The following NINL variants were observed in gnomAD, a reference collection of about 807,000 sequenced individuals.
NINL encodes ninein-like protein.
Under a neutral mutation model 160.3 loss-of-function variants are expected in NINL, and 153 were observed. That is an observed-to-expected ratio of 0.95 (90% CI 0.84 to 1.09). The LOEUF (loss-of-function observed/expected upper bound fraction) is 1.09. NINL is among the 50% of genes least tolerant of loss of function. The probability of loss-of-function intolerance (pLI) is 0.00; values close to 1 mark genes in which losing one functional copy is unlikely to be tolerated. For synonymous variants in NINL, 800 were observed against 734.8 expected (o/e 1.09, Z -1.43); for missense variants, 1,829 against 1,764.0 (o/e 1.04, Z -0.66).
Position 25,500,902 on chromosome 20 carries a change from G to A in NINL, c.970C>T (p.Pro324Ser), listed in dbSNP as rs969932589. The A allele has an allele frequency of 2.5e-6, 4 of 1,614,094 alleles. No homozygotes were observed. Among genetic ancestry groups the A allele is most frequent in the South Asian group, 1.1e-5 (1 of 91,086 alleles). Residue 324 changes from proline (P) to serine (S), a missense_variant, in exon 8 of 24, where the codon CCT becomes TCT. Coordinates refer to ENST00000278886, the MANE Select transcript of NINL (RefSeq NM_025176.6). ...SIDDGSGFAF[P>S]DQVLAMWTQE... The stretch of plus-strand genomic sequence containing the variant: ...GTCCACATGGCCAGGACCTGATCAG[G>A]AAAAGCGAAGCCAGAACCATCGTCA...
intron 1 of NINL, among the ~76,000 whole-genome samples, chr20:25,546,204 T>TAAA (rs2064730048): frequency 6.6e-6 from 1 of 152,188 alleles, no homozygotes; most frequent in South Asian, 2.1e-4. Context: ...TAAGATATTT[T>TAAA]ACAGTTTGGG....
intron 21 of NINL, 26 bp downstream of exon 21, chr20:25,461,496 T>C (rs1489417574): frequency 7.1e-7 from 1 of 1,400,250 alleles, no homozygotes; most frequent in African/African-American, 1.5e-5. Flanking sequence ...CTGGACCCAG[T>C]GCCTCCAGCC....
chr20:25,547,790 G>A (rs548473332), intron 1 of NINL, among the ~76,000 whole-genome samples: 5 of 152,266 alleles, frequency 3.3e-5, no homozygotes, highest in Admixed American at 3.3e-4. Context: ...AACACAACTT[G>A]GCCCACAGCA....
chr20:25,531,005 AGCT>A (rs1378019206), intron 1 of NINL, among the ~76,000 whole-genome samples: 1 of 151,786 alleles, frequency 6.6e-6, no homozygotes, highest in African/African-American at 2.4e-5. Context: ...GGGAGACTGG[AGCT>A]TATTTCATCC....
intron 3 of NINL, among the ~76,000 whole-genome samples, chr20:25,513,580 T>A (rs1454067103): frequency 1.3e-5 from 2 of 152,154 alleles, no homozygotes; most frequent in Non-Finnish European, 2.9e-5. Context: ...ATATGGGAAG[T>A]TAATATAGTT....
Position 25,504,893 on chromosome 20 carries a change from T to C in NINL, c.703A>G (p.Lys235Glu). The change falls in exon 6 of 24, where the codon AAA (lysine) becomes GAA (glutamate). Residue 235 changes from lysine (K) to glutamate (E), a missense_variant. Transcript: ENST00000278886. ...TGGCCTGCTGTGCCCCTCACCTCTTTCTCGAGTCCCTGGAGCCCGACGCTC... is the reference window on the plus strand; with the variant it reads ...TGGCCTGCTGTGCCCCTCACCTCTTCCTCGAGTCCCTGGAGCCCGACGCTC... ...CQSVGLQGLE[K>E]EELEDLFNKL... The C allele has an allele frequency of 6.2e-7, 1 of 1,610,766 alleles. No individual in the cohort carries two copies. Among genetic ancestry groups the C allele is most frequent in the Non-Finnish European group, 8.5e-7 (1 of 1,179,858 alleles).
At chr20:25,579,574 G>A (rs1022145912) in intron 1 of NINL, among the ~76,000 whole-genome samples, 5 of 151,956 alleles carry the variant, frequency 3.3e-5, no homozygotes, top group Non-Finnish European at 5.9e-5. Context: ...ACACCCCCAC[G>A]CCACCCTGCC....
Position 25,461,595 on chromosome 20 carries a change from A to C in NINL, c.3623T>G (p.Leu1208Arg), listed in dbSNP as rs752226736. 1.3e-4 allele frequency: 204 copies of C among 1,611,468 alleles called. No individual in the cohort carries two copies. The highest frequency in any genetic ancestry group is 1.6e-4 in the Non-Finnish European group (192 of 1,179,150). The change falls in exon 21 of 24, where the codon CTG (leucine) becomes CGG (arginine). Residue 1208 changes from leucine to arginine, a missense_variant. Transcript: ENST00000278886. ...IQKLRVELEC[L>R]NQEHQSLQLP... ...CTGCAGGCTCTGATGTTCCTGATTC[A>C]GGCATTCAAGTTCAACTCTAAGTTT...
At chr20:25,465,539 C>G (rs897115621) in intron 19 of NINL, among the ~76,000 whole-genome samples, 10 of 152,106 alleles carry the variant, frequency 6.6e-5, no homozygotes, top group African/African-American at 2.4e-4. Flanking sequence ...CAGGTCCAGC[C>G]CCATGAGGAG....
rs752237249 is a variant in NINL, at chr20:25,496,814, A to G, written c.1170-11T>C. 1.2e-6 allele frequency: 2 copies of G among 1,613,080 alleles called. No individual in the cohort carries two copies. The highest frequency in any genetic ancestry group is 2.7e-5 in the African/African-American group (2 of 74,880). ...TGCTCCACCTGCCCTCTGCCACAGGAAGGAGACAGGGTCAGATGGGACCCC... is the reference window on the plus strand; with the variant it reads ...TGCTCCACCTGCCCTCTGCCACAGGGAGGAGACAGGGTCAGATGGGACCCC... On this transcript the variant is annotated splice_polypyrimidine_tract_variant and intron_variant, in intron 9 of 23. Transcript: ENST00000278886.
intron 1 of NINL, among the ~76,000 whole-genome samples, chr20:25,554,997 T>A (rs924295323): frequency 6.6e-6 from 1 of 152,150 alleles, no homozygotes; most frequent in Non-Finnish European, 1.5e-5. Flanking sequence ...GGGATGATTT[T>A]TTTTTCCTCT....
intron 1 of NINL, among the ~76,000 whole-genome samples, chr20:25,547,001 T>C (rs1385514172): frequency 6.6e-6 from 1 of 152,178 alleles, no homozygotes; most frequent in Non-Finnish European, 1.5e-5. Context: ...AGGACACCAG[T>C]CATATAGAAC....
At chr20:25,473,509 A>AAAATG (rs1432813910) in intron 17 of NINL, among the ~76,000 whole-genome samples, 4 of 149,916 alleles carry the variant, frequency 2.7e-5, no homozygotes, top group Non-Finnish European at 4.4e-5. Flanking sequence ...AAAATAAAAT[A>AAAATG]AAATAAAATA....
At chr20:25,470,126 C>T (rs758981654) in intron 17 of NINL, 31 bp from the exon 18 acceptor site, 17 of 1,576,810 alleles carry the variant, frequency 1.1e-5, no homozygotes, top group Middle Eastern at 1.7e-4. Flanking sequence ...GACCGGTGAG[C>T]ACTTGGGGAG....
chr20:25,496,713 C>T lies in NINL; in HGVS notation c.1260G>A (p.Glu420=), dbSNP rs1344523209. The change falls in exon 10 of 24, where the codon GAG becomes GAA. Residue 420 remains glutamate (E), a synonymous_variant. Transcript: ENST00000278886. The part of the protein sequence containing the change: ...AEKRNLEFVK[E]MDDCHSTLEQ... Reference sequence around the variant, plus strand: ...CCAGGGTGGAGTGGCAGTCGTCCATCTCTTTCACAAACTCCAGGTTCCTCT... The same window carrying T: ...CCAGGGTGGAGTGGCAGTCGTCCATTTCTTTCACAAACTCCAGGTTCCTCT... The T allele has an allele frequency of 1.2e-5, 19 of 1,614,134 alleles. No individual in the cohort carries two copies. The highest frequency in any genetic ancestry group is 1.6e-5 in the Non-Finnish European group (19 of 1,180,038).
chr20:25,540,033 AG>A, intron 1 of NINL: 3 of 1,288,188 alleles, frequency 2.3e-6, no homozygotes, highest in Non-Finnish European at 3.0e-6. Context: ...TGCGCAGTTC[AG>A]AGGCCTCTTC....
chr20:25,585,274 G>C (rs1301926715), intron 1 of NINL, among the ~76,000 whole-genome samples, 181 bp downstream of exon 1: 2 of 152,178 alleles, frequency 1.3e-5, no homozygotes, highest in African/African-American at 4.8e-5. Flanking sequence ...GAGGGCGACC[G>C]GAAGAGCAGG....
In NINL at chr20:25,476,600, CGGGGCA is replaced by C. The variant is rs755810256; in HGVS notation, c.2685_2690del (p.Pro897_Ala898del). 3.8e-6 allele frequency: 6 copies of C among 1,597,988 alleles called. No homozygotes were observed. Among genetic ancestry groups the C allele is most frequent in the Non-Finnish European group, 5.1e-6 (6 of 1,179,162 alleles). On this transcript the variant is annotated inframe_deletion, in exon 17 of 24. Transcript: ENST00000278886. ...ACCTCTCTGAGGGGCCGTGGGATGC[CGGGGCA>C]GGGGCGGGGGCCGGGCTCTGCGTAG...
At chr20:25,542,246 A>C (rs1437662985) in intron 1 of NINL, among the ~76,000 whole-genome samples, 1 of 152,196 alleles carries the variant, frequency 6.6e-6, no homozygotes, top group Non-Finnish European at 1.5e-5. Context: ...ATCTATCAGA[A>C]TATATAAAGG....
Sources: allele counts gnomAD v4.1 joint callset (sites outside exome capture counted in the v4.1 genomes callset), GRCh38; gene constraint gnomAD v4.1.1; transcripts MANE v1.5; gene names NCBI Gene and HGNC (gene_info 2026-07-23, HGNC 2026-07-21).